MBD5: variants seen among roughly 807,000 people sequenced by gnomAD.
MBD5 encodes methyl-CpG binding domain protein 5, also known as methyl-CpG-binding domain protein 5.
In MBD5, 13 loss-of-function variants were observed where a neutral mutation model predicts 117.3. The ratio of observed to expected loss-of-function variants is 0.11; its 90% CI spans 0.07 to 0.18. The LOEUF (loss-of-function observed/expected upper bound fraction) is 0.18. Ranked by LOEUF, MBD5 falls within the 10% of genes least tolerant of loss-of-function variation. MBD5 has a pLI of 1.00. For missense variants in MBD5, 1,879 were observed against 2,093.8 expected (o/e 0.90, Z 2.00); for synonymous variants, 727 against 766.4 (o/e 0.95, Z 0.85).
intron 3 of MBD5, among the ~76,000 whole-genome samples, chr2:148,314,270 A>AT (rs972106714): frequency 8.1e-5 from 12 of 148,674 alleles, no homozygotes; most frequent in Admixed American, 1.3e-4. Flanking sequence ...GCAAAAGGAA[A>AT]TTTTTTTTTT....
chr2:148,203,313 G>A (rs16828409), intron 2 of MBD5, among the ~76,000 whole-genome samples: 3,017 of 152,164 alleles, frequency 0.02, 113 homozygotes, highest in African/African-American at 0.068. Flanking sequence ...GGGAAAGATG[G>A]CCTATTTGCA....
intron 3 of MBD5, among the ~76,000 whole-genome samples, chr2:148,291,747 C>G (rs1017386702): frequency 8.6e-5 from 13 of 151,984 alleles, no homozygotes; most frequent in African/African-American, 3.1e-4. Context: ...CACAAAAAAT[C>G]CAAAATAACC....
intron 4 of MBD5, among the ~76,000 whole-genome samples, chr2:148,413,243 C>G (rs1309678768): frequency 6.6e-6 from 1 of 151,988 alleles, no homozygotes; most frequent in Non-Finnish European, 1.5e-5. Context: ...ATTTTTAGTT[C>G]TGTTCGTATG....
At chr2:148,294,518 T>TTTTTTTTTG in intron 3 of MBD5, among the ~76,000 whole-genome samples, 2 of 146,312 alleles carry the variant, frequency 1.4e-5, no homozygotes, top group African/African-American at 5.2e-5. Context: ...TTTTTTTTTT[T>TTTTTTTTTG]TTTGAGATAG....
At position 148,346,922 on chromosome 2, in the gene MBD5, T is replaced by A. The variant is rs545090408; in HGVS notation, c.-557+4586T>A. 5 of 152,018 alleles carry A rather than the reference T, an allele frequency of 3.3e-5. 1 individual carries two copies. In the South Asian group the frequency reaches 1.0e-3, roughly 32 times the overall value. The allele number at this position is 152,018 out of a possible 1,614,324, so 9.4% of individuals were successfully genotyped here. A position where few individuals can be genotyped will look rare whatever the true frequency, so the allele number is the denominator to read the frequency against. ...TTATAGAAAGTCAGAAACAGAGGAG[T>A]TGACAGGATAATAAAATGAACCCCA... On this transcript the variant is annotated intron_variant, in intron 4 of 13. Coordinates refer to ENST00000642680, the MANE Select transcript of MBD5 (RefSeq NM_001378120.1).
intron 1 of MBD5, among the ~76,000 whole-genome samples, chr2:148,051,697 T>TGA (rs1260964729): frequency 1.3e-5 from 2 of 151,724 alleles, no homozygotes; most frequent in Non-Finnish European, 2.9e-5. Flanking sequence ...CTGCATTTGT[T>TGA]GAGATGATCA....
At position 148,154,714 on chromosome 2, in the gene MBD5, C is replaced by T. The variant is rs903479466; in HGVS notation, c.-924-23986C>T. On this transcript the variant is annotated intron_variant, in intron 1 of 13. Transcript: ENST00000642680. The stretch of plus-strand genomic sequence containing the variant: ...GATTTTCCAGGTGTGTCCGTCACCC[C>T]TTTCTTTGACTGGGAAAGGGAACTC... Among the ~76,000 whole-genome samples the T allele has an allele frequency of 3.9e-5, 6 of 152,158 alleles. No individual in the cohort carries two copies. In the South Asian group the frequency reaches 6.2e-4, roughly 16 times the overall value.
intron 3 of MBD5, among the ~76,000 whole-genome samples, chr2:148,282,893 T>A (rs1574236501): frequency 1.0e-5 from 1 of 97,866 alleles, no homozygotes; most frequent in African/African-American, 3.4e-5. Context: ...CTTTTAAGAC[T>A]TAACCGCCCC....
intron 4 of MBD5, among the ~76,000 whole-genome samples, chr2:148,447,199 GAA>G (rs1331150681): frequency 9.7e-5 from 1 of 10,356 alleles, no homozygotes; most frequent in Non-Finnish European, 1.4e-3. Flanking sequence ...AAGAAAGAAA[GAA>G]AGAAAGAAAG....
intron 1 of MBD5, among the ~76,000 whole-genome samples, chr2:148,056,906 G>A (rs1030693074): frequency 6.6e-6 from 1 of 151,284 alleles, no homozygotes; most frequent in African/African-American, 2.4e-5. Context: ...TTTTTTTTTA[G>A]TTGTCAAAGG....
chr2:148,393,997 C>T (rs930667433), intron 4 of MBD5, among the ~76,000 whole-genome samples: 4 of 152,062 alleles, frequency 2.6e-5, no homozygotes, highest in Admixed American at 2.6e-4. Flanking sequence ...GGCAATGTTA[C>T]CTTATTGCTG....
rs140076121 is a variant in MBD5, at chr2:148,077,587, G to A, written c.-925+55903G>A. ...GGAGTAAGAGACTGTGGTTCAAAGT[G>A]TATAGAATGTAAAAACAATATATAG... On this transcript the variant is annotated intron_variant, in intron 1 of 13. Transcript: ENST00000642680. Among the ~76,000 whole-genome samples the A allele has an allele frequency of 8.1e-4, 124 of 152,228 alleles. 1 individual carries two copies. The Middle Eastern group carries it at 0.01, about 13-fold the overall frequency.
At chr2:148,109,484 A>G (rs1026851786) in intron 1 of MBD5, among the ~76,000 whole-genome samples, 1 of 152,196 alleles carries the variant, frequency 6.6e-6, no homozygotes, top group African/African-American at 2.4e-5. Flanking sequence ...CAATTTTAAA[A>G]GATGTCTTTG....
At chr2:148,260,743 C>A (rs1700712270) in intron 3 of MBD5, 1 of 166,224 alleles carries the variant, frequency 6.0e-6, no homozygotes, top group Non-Finnish European at 1.3e-5. Context: ...AATGGTAAAT[C>A]CTTTCCAGAA....
chr2:148,449,677 T>C (rs1706666672), intron 4 of MBD5, among the ~76,000 whole-genome samples: 1 of 152,008 alleles, frequency 6.6e-6, no homozygotes, highest in African/African-American at 2.4e-5. Flanking sequence ...TAGATCATAA[T>C]AGGTTAATGC....
chr2:148,406,346 A>T (rs2105134049), intron 4 of MBD5, among the ~76,000 whole-genome samples: 1 of 152,338 alleles, frequency 6.6e-6, no homozygotes, highest in South Asian at 2.1e-4. Context: ...ATGACCCATT[A>T]TTCCAATTAT....
chr2:148,329,378 T>A (rs1204798900), intron 3 of MBD5, among the ~76,000 whole-genome samples: 1 of 152,222 alleles, frequency 6.6e-6, no homozygotes, highest in East Asian at 1.9e-4. Context: ...GAATATCCAT[T>A]TACTTTCAAT....
chr2:148,249,531 C>T (rs1574192807), intron 3 of MBD5, among the ~76,000 whole-genome samples: 2 of 152,272 alleles, frequency 1.3e-5, no homozygotes, highest in East Asian at 3.9e-4. Context: ...ATTCCCTTCT[C>T]TCAGCTTCTG....
intron 1 of MBD5, among the ~76,000 whole-genome samples, chr2:148,100,303 C>T (rs896090149): frequency 1.3e-5 from 2 of 152,180 alleles, no homozygotes; most frequent in Non-Finnish European, 2.9e-5. Context: ...TTCCCCTTGG[C>T]TTCTCTAACT....
Sources: gnomAD v4.1 joint callset for allele counts (sites outside exome capture counted in the v4.1 genomes callset) on GRCh38, gnomAD v4.1.1 for gene constraint, MANE v1.5 for transcripts, NCBI Gene and HGNC (gene_info 2026-07-23, HGNC 2026-07-21) for gene names.